The following SPEG variants were observed in gnomAD, a reference collection of about 807,000 sequenced individuals.
The protein encoded by SPEG is striated muscle enriched protein kinase.
In SPEG, 114 loss-of-function variants were observed where a neutral mutation model predicts 300.4. The ratio of observed to expected loss-of-function variants is 0.38; its 90% CI spans 0.33 to 0.44. The LOEUF is 0.44. Among genes scored for constraint, SPEG ranks in the 20% least tolerant of loss-of-function variants. The pLI is 1.00. For synonymous variants in SPEG, 1,964 were observed against 2,018.9 expected (o/e 0.97, Z 0.73); for missense variants, 4,201 against 4,586.2 (o/e 0.92, Z 2.43).
chr2:219,492,609 G>A lies in SPEG; in HGVS notation c.9627G>A (p.Leu3209=). 6.2e-7 allele frequency: 1 copy of A among 1,609,728 alleles called. No homozygotes were observed. The highest frequency in any genetic ancestry group is 8.5e-7 in the Non-Finnish European group (1 of 1,179,992). Residue 3209 remains leucine, a synonymous_variant, in exon 41 of 41, where the codon CTG becomes CTA. Transcript: ENST00000312358. ...LSVHPWSRPS[L]QDCLAHPWLQ... ...TGCCTGGCAGGAGCCGGCCCTCCCT[G>A]CAGGACTGCCTGGCCCACCCATGGT...
At chr2:219,482,254 T>C (rs1278968358) in intron 28 of SPEG, 1 of 172,664 alleles carries the variant, frequency 5.8e-6, no homozygotes, top group African/African-American at 2.4e-5. Context: ...CCAGGTCACT[T>C]GAAGGCTGAG....
intron 1 of SPEG, chr2:219,442,152 G>A: frequency 1.9e-6 from 2 of 1,026,494 alleles, no homozygotes; most frequent in Non-Finnish European, 2.5e-6. Flanking sequence ...AGGGAGGGCG[G>A]GTCACCGCAG....
At chr2:219,457,661 T>C (rs1302521783) in intron 6 of SPEG, among the ~76,000 whole-genome samples, 2 of 152,250 alleles carry the variant, frequency 1.3e-5, no homozygotes, top group Admixed American at 6.5e-5. Context: ...CACACCTTTG[T>C]GTGGCCTCTA....
At position 219,451,501 on chromosome 2, in the gene SPEG, T is replaced by G. The variant is rs142347285; in HGVS notation, c.2258-124T>G. 18,408 of 1,184,186 alleles carry G rather than the reference T, an allele frequency of 0.016. 233 individuals carry two copies. Among genetic ancestry groups the G allele is most frequent in the South Asian group, 0.046 (2,720 of 58,906 alleles). 73.4% of individuals were successfully genotyped at this position (1,184,186 alleles called of 1,614,324 possible). A position where few individuals can be genotyped will look rare whatever the true frequency, so the allele number is the denominator to read the frequency against. On this transcript the variant is annotated intron_variant, in intron 5 of 40. Transcript: ENST00000312358. The surrounding 1 kb of genome is among the most constrained non-coding windows in gnomAD (Gnocchi z 6.4). Reference sequence around the variant, plus strand: ...GCTTCCCAAAATGAGGGCGGACTCTTCCAGATTCCCTGGGGTGCTGAGAGG... The same window carrying G: ...GCTTCCCAAAATGAGGGCGGACTCTGCCAGATTCCCTGGGGTGCTGAGAGG...
rs1334736486 is a variant in SPEG at position 219,439,717 on chromosome 2, G to A, written c.388+4352G>A. Among the ~76,000 whole-genome samples the A allele has an allele frequency of 1.3e-5, 2 of 152,134 alleles. No homozygotes were observed. Among genetic ancestry groups the A allele is most frequent in the African/African-American group, 2.4e-5 (1 of 41,436 alleles). Reference sequence around the variant, plus strand: ...CAGCCCTTCAGGAGTGAGCAGTGCCGACCCAGAGCAGGAACACAGAATCCT... The same window carrying A: ...CAGCCCTTCAGGAGTGAGCAGTGCCAACCCAGAGCAGGAACACAGAATCCT... On this transcript the variant is annotated intron_variant, in intron 1 of 40. Coordinates refer to ENST00000312358, the MANE Select transcript of SPEG (RefSeq NM_005876.5). This position sits in a 1 kb window ranked among gnomAD's most constrained non-coding sequence, Gnocchi z 4.5.
At position 219,443,507 on chromosome 2, in the gene SPEG, G is replaced by A. The variant is rs1689070879; in HGVS notation, c.389-1146G>A. 2.8e-6 allele frequency: 1 copy of A among 356,066 alleles called. No individual in the cohort carries two copies. Among genetic ancestry groups the A allele is most frequent in the Non-Finnish European group, 5.2e-6 (1 of 190,560 alleles). The allele number at this position is 356,066 out of a possible 1,614,324, so 22.1% of individuals were successfully genotyped here. A position where few individuals can be genotyped will look rare whatever the true frequency, so the allele number is the denominator to read the frequency against. On this transcript the variant is annotated intron_variant, in intron 1 of 40. Transcript: ENST00000312358. The surrounding 1 kb of genome is among the most constrained non-coding windows in gnomAD (Gnocchi z 4.6). ...AGGCACAGAACCTGCTAGAATCTGG[G>A]AAAGTTGAAAATACTCCCAGGAACC...
chr2:219,472,815 G>A, intron 15 of SPEG, 75 bp from the exon 16 acceptor site: 1 of 1,299,000 alleles, frequency 7.7e-7, no homozygotes, highest in South Asian at 1.5e-5. Flanking sequence ...ATGAGTTCCA[G>A]GGTCCCGGGC....
At chr2:219,456,372 A>G (rs1690183556) in intron 6 of SPEG, among the ~76,000 whole-genome samples, 1 of 152,224 alleles carries the variant, frequency 6.6e-6, no homozygotes, top group Non-Finnish European at 1.5e-5. Flanking sequence ...CCCCATCGTC[A>G]GTCCTCGATG....
Position 219,484,848 on chromosome 2 carries a change from A to G in SPEG, c.7385A>G (p.Glu2462Gly). The G allele has an allele frequency of 6.6e-7, 1 of 1,519,022 alleles. No homozygotes were observed. The highest frequency in any genetic ancestry group is 1.2e-5 in the South Asian group (1 of 82,932). The allele number at this position is 1,519,022 out of a possible 1,614,324, so 94.1% of individuals were successfully genotyped here. ...AMRRRLSFTLERLSSRLQRSG... is the reference protein window; with the variant it reads ...AMRRRLSFTLGRLSSRLQRSG... The stretch of plus-strand genomic sequence containing the variant: ...CGCAGGCGGCTGAGCTTCACCCTGG[A>G]GCGGCTGTCCAGCCGATTGCAGCGC... Residue 2462 changes from glutamate (E) to glycine (G), a missense_variant, in exon 30 of 41, where the codon GAG (glutamate) becomes GGG (glycine). Physicochemically the swap from Glu to Gly is moderately conservative, Grantham distance 98. Around this residue, in one of 4 missense-constraint regions of SPEG, gnomAD observed 1,578 missense variants for 1,506.0 expected, o/e 1.05. Coordinates refer to ENST00000312358, the MANE Select transcript of SPEG (RefSeq NM_005876.5).
rs879225920 is a variant in SPEG at position 219,481,194 on chromosome 2, C to T, written c.5370-110C>T. The T allele has an allele frequency of 6.0e-5, 73 of 1,226,530 alleles. 1 individual carries two copies. In the South Asian group the frequency reaches 7.2e-4, roughly 12 times the overall value. 76.0% of individuals were successfully genotyped at this position (1,226,530 alleles called of 1,614,324 possible). ...CCTCTTACCCACATTTGCCCAGCCTCTGTCATCCTCACAACCCCAGAGCCT... is the reference window on the plus strand; with the variant it reads ...CCTCTTACCCACATTTGCCCAGCCTTTGTCATCCTCACAACCCCAGAGCCT... On this transcript the variant is annotated intron_variant, in intron 26 of 40. Coordinates refer to ENST00000312358, the MANE Select transcript of SPEG (RefSeq NM_005876.5). This position sits in a 1 kb window ranked among gnomAD's most constrained non-coding sequence, Gnocchi z 5.4.
intron 1 of SPEG, chr2:219,441,681 C>T: frequency 2.3e-6 from 1 of 433,528 alleles, no homozygotes; most frequent in African/African-American, 2.0e-5. Flanking sequence ...TCAGTTTCCT[C>T]ATGTGCCTAG....
chr2:219,473,195 C>A lies in SPEG; in HGVS notation c.4147+99C>A. 1 of 1,207,336 alleles carries A rather than the reference C, an allele frequency of 8.3e-7. No individual in the cohort carries two copies. Among genetic ancestry groups the A allele is most frequent in the Non-Finnish European group, 1.2e-6 (1 of 858,888 alleles). The allele number at this position is 1,207,336 out of a possible 1,614,324, so 74.8% of individuals were successfully genotyped here. On this transcript the variant is annotated intron_variant, in intron 16 of 40. Transcript: ENST00000312358. This position sits in a 1 kb window ranked among gnomAD's most constrained non-coding sequence, Gnocchi z 4.6. The stretch of plus-strand genomic sequence containing the variant: ...TCAAGGGATGGCCTGGACATGGTAA[C>A]TGGCAGGAGCAGCCTAGCCGGGCGG...
Position 219,479,210 on chromosome 2 carries a change from A to G in SPEG, c.5085+9A>G. ...CCGTGTGTGAGTCTGAGGTGAGGGC[A>G]GTGGGTGGCAGGGGCCAGGTTGGGC... is the stretch of plus-strand genomic sequence containing the variant. On this transcript the variant is annotated intron_variant, in intron 23 of 40. Transcript: ENST00000312358. This position sits in a 1 kb window ranked among gnomAD's most constrained non-coding sequence, Gnocchi z 5.5. The G allele has an allele frequency of 6.2e-7, 1 of 1,612,614 alleles. No individual in the cohort carries two copies.
In SPEG at chr2:219,445,097, G is replaced by A. The variant is rs771718834; in HGVS notation, c.751G>A (p.Val251Met). ...CTGGGGGTCAGAGGATAGCCTTTCCGTGGCCAGTGACCTGTACGGCAGCGC... is the reference window on the plus strand; with the variant it reads ...CTGGGGGTCAGAGGATAGCCTTTCCATGGCCAGTGACCTGTACGGCAGCGC... ...ASWGSEDSLS[V>M]ASDLYGSAFS... The change falls in exon 3 of 41, where the codon GTG becomes ATG. Residue 251 changes from valine (V) to methionine (M), a missense_variant. By Grantham distance (21) the Val-to-Met change is conservative (BLOSUM62 1). Transcript: ENST00000312358. The surrounding 1 kb of genome is among the most constrained non-coding windows in gnomAD (Gnocchi z 6.1). 1.6e-5 allele frequency: 25 copies of A among 1,602,060 alleles called. No homozygotes were observed. The highest frequency in any genetic ancestry group is 1.1e-4 in the African/African-American group (8 of 74,566).
rs1250924794 is a variant in SPEG, at chr2:219,434,915, G to A, written c.-63G>A. On this transcript the variant is annotated 5_prime_UTR_variant, in exon 1 of 41. Transcript: ENST00000312358. ...CCCCAGACTTGTCTCCTAGGGCACCGTCCCGCGGGTGCCCCCGTGGCCGCC... is the reference window on the plus strand; with the variant it reads ...CCCCAGACTTGTCTCCTAGGGCACCATCCCGCGGGTGCCCCCGTGGCCGCC... The A allele has an allele frequency of 4.7e-6, 6 of 1,282,786 alleles. No individual in the cohort carries two copies. The highest frequency in any genetic ancestry group is 6.2e-6 in the Non-Finnish European group (6 of 966,310). 79.5% of individuals were successfully genotyped at this position (1,282,786 alleles called of 1,614,324 possible). A position where few individuals can be genotyped will look rare whatever the true frequency, so the allele number is the denominator to read the frequency against.
chr2:219,488,900 G>A lies in SPEG; in HGVS notation c.8149G>A (p.Gly2717Arg), dbSNP rs760535707. 3.2e-6 allele frequency: 5 copies of A among 1,583,714 alleles called. No homozygotes were observed. In the East Asian group the frequency reaches 9.2e-5, roughly 29 times the overall value. ...GTATACGCTGGAGCGGCGAGTGGAT[G>A]GTGAGGATGGGGCAGCTGGAGGGTT... is the stretch of plus-strand genomic sequence containing the variant. ...CTYTLERRVD[G>R]ESVWHPVSSG... Residue 2717 changes from glycine (G) to arginine (R), a missense_variant and splice_region_variant, in exon 34 of 41, where the codon GGG (glycine) becomes AGG (arginine). By Grantham distance (125) the Gly-to-Arg change is moderately radical. Transcript: ENST00000312358.
rs1251239089 is a variant in SPEG at position 219,477,278 on chromosome 2, A to G, written c.4562A>G (p.Asp1521Gly). The G allele has an allele frequency of 6.2e-7, 1 of 1,609,758 alleles. No individual in the cohort carries two copies. Among genetic ancestry groups the G allele is most frequent in the South Asian group, 1.1e-5 (1 of 90,646 alleles). The change falls in exon 20 of 41, where the codon GAC becomes GGC. Residue 1521 changes from aspartate (D) to glycine (G), a missense_variant and splice_region_variant. Asp to Gly is a moderately conservative substitution (Grantham distance 94, BLOSUM62 -1). This residue lies in a region of SPEG where 1,047 missense variants were observed against 1,356.8 expected (regional missense o/e 0.77). Coordinates refer to ENST00000312358, the MANE Select transcript of SPEG (RefSeq NM_005876.5). The surrounding 1 kb of genome is among the most constrained non-coding windows in gnomAD (Gnocchi z 6.4). ...TGAAGGTGAGACCCCACTCTGCAGG[A>G]CGAGGTGCTGCTGACCGAGAGCAGC... ...KPLPDIMWYK[D>G]EVLLTESSHV...
chr2:219,472,230 T>G lies in SPEG; in HGVS notation c.3839T>G (p.Val1280Gly), dbSNP rs1486719595. The change falls in exon 15 of 41, where the codon GTG (valine) becomes GGG (glycine). Residue 1280 changes from valine (V) to glycine (G), a missense_variant. By Grantham distance (109) the Val-to-Gly change is moderately radical. Coordinates refer to ENST00000312358, the MANE Select transcript of SPEG (RefSeq NM_005876.5). The stretch of plus-strand genomic sequence containing the variant: ...ACATTCGAACTGCGGCTTTCAGATG[T>G]GGTCCCAGGCCCTCCAGATGGCGCC... ...ACYAHLYVTD[V>G]VPGPPDGAPQ... 6.2e-7 allele frequency: 1 copy of G among 1,613,460 alleles called. No individual in the cohort carries two copies. The highest frequency in any genetic ancestry group is 8.5e-7 in the Non-Finnish European group (1 of 1,179,922).
Position 219,483,568 on chromosome 2 carries a change from G to A in SPEG, c.6105G>A (p.Ala2035=), listed in dbSNP as rs1460112634. Residue 2035 remains alanine, a synonymous_variant, in exon 30 of 41, where the codon GCG becomes GCA. Coordinates refer to ENST00000312358, the MANE Select transcript of SPEG (RefSeq NM_005876.5). ...AGCTGGGCCGGGGCCTGCACAAGGC[G>A]GCGTCTGTGGAGCTGCCGCAGCGCC... The part of the protein sequence containing the change: ...PRELGRGLHK[A]ASVELPQRRS... 45 of 1,451,390 alleles carry A rather than the reference G, an allele frequency of 3.1e-5. No individual in the cohort carries two copies. The highest frequency in any genetic ancestry group is 3.8e-5 in the Non-Finnish European group (42 of 1,114,580). The allele number at this position is 1,451,390 out of a possible 1,614,324, so 89.9% of individuals were successfully genotyped here.
Sources: gnomAD v4.1 joint callset for allele counts (sites outside exome capture counted in the v4.1 genomes callset) on GRCh38, gnomAD v4.1.1 for gene constraint, gnomAD v4.1.1 regional missense constraint, Gnocchi (gnomAD v3.1) non-coding constraint, MANE v1.5 for transcripts, NCBI Gene and HGNC (gene_info 2026-07-23, HGNC 2026-07-21) for gene names.